The following BIRC6 variants were observed in gnomAD, a reference collection of about 807,000 sequenced individuals.
BIRC6 encodes the protein dual E2 ubiquitin-conjugating enzyme/E3 ubiquitin-protein ligase BIRC6.
In BIRC6, 98 loss-of-function variants were observed where a neutral mutation model predicts 503.3. That is an observed-to-expected ratio of 0.19 (90% CI 0.17 to 0.23). BIRC6 has a LOEUF of 0.23. BIRC6 is among the 10% of genes least tolerant of loss of function. The pLI is 1.00. For missense variants in BIRC6, 5,360 were observed against 5,806.0 expected (o/e 0.92, Z 2.50); for synonymous variants, 2,240 against 2,078.7 (o/e 1.08, Z -2.11).
intron 66 of BIRC6, among the ~76,000 whole-genome samples, chr2:32,590,068 T>G (rs966240781): frequency 2.6e-5 from 4 of 152,180 alleles, no homozygotes; most frequent in Non-Finnish European, 1.5e-5. Context: ...CAGAAAACAT[T>G]TATAGTACGG....
intron 56 of BIRC6, 110 bp downstream of exon 56, chr2:32,518,507 C>G (rs997883937): frequency 1.8e-6 from 2 of 1,120,450 alleles, no homozygotes; most frequent in African/African-American, 1.6e-5. Flanking sequence ...CAAAGTGAAA[C>G]TAGCACAGCC....
At chr2:32,475,468 A>G (rs767349088) in intron 33 of BIRC6, among the ~76,000 whole-genome samples, 2 of 152,176 alleles carry the variant, frequency 1.3e-5, no homozygotes, top group African/African-American at 2.4e-5. Flanking sequence ...GGATATACTT[A>G]TAAAAGGATA....
chr2:32,415,715 G>C lies in BIRC6; in HGVS notation c.2424G>C (p.Gln808His). Reference protein sequence around the residue: ...VIQHESPADVQTPLIIQPEQR... With the variant: ...VIQHESPADVHTPLIIQPEQR... ...AACATGAATCACCAGCAGATGTACA[G>C]ACTCCTTTAATAATTCAGCCTGAGC... Residue 808 changes from glutamine to histidine, a missense_variant, in exon 10 of 74, where the codon CAG becomes CAC. Around this residue, in one of 16 missense-constraint regions of BIRC6, gnomAD observed 700 missense variants for 739.3 expected, o/e 0.95. Transcript: ENST00000421745. 2.5e-6 allele frequency: 4 copies of C among 1,613,842 alleles called. No homozygotes were observed. The highest frequency in any genetic ancestry group is 3.4e-6 in the Non-Finnish European group (4 of 1,179,868).
chr2:32,560,699 T>A (rs1162127175), intron 65 of BIRC6, among the ~76,000 whole-genome samples: 2 of 152,118 alleles, frequency 1.3e-5, no homozygotes, highest in African/African-American at 4.8e-5. Context: ...CCTGATTAGC[T>A]GGGACTACAG....
At chr2:32,409,150 GT>G (rs1038083567) in intron 9 of BIRC6, among the ~76,000 whole-genome samples, 1 of 150,600 alleles carries the variant, frequency 6.6e-6, no homozygotes, top group African/African-American at 2.4e-5. Flanking sequence ...TTTATTTTCT[GT>G]TTTTTTTTGT....
intron 10 of BIRC6, among the ~76,000 whole-genome samples, chr2:32,421,503 A>T (rs1226612633): frequency 6.6e-6 from 1 of 151,998 alleles, no homozygotes; most frequent in African/African-American, 2.4e-5. Context: ...TCTTAGTGAT[A>T]CCTCCTAAAT....
At chr2:32,483,537 G>A (rs1210645194) in intron 39 of BIRC6, among the ~76,000 whole-genome samples, 1 of 152,146 alleles carries the variant, frequency 6.6e-6, no homozygotes, top group African/African-American at 2.4e-5. Context: ...AATACTGAGA[G>A]CCCATTCAAA....
At chr2:32,610,254 C>T (rs1314619946) in intron 72 of BIRC6, among the ~76,000 whole-genome samples, 2 of 152,094 alleles carry the variant, frequency 1.3e-5, no homozygotes, top group African/African-American at 2.4e-5. Flanking sequence ...CAATGCTCAA[C>T]CAGAATACAG....
chr2:32,413,836 T>C (rs1287037950), intron 9 of BIRC6, among the ~76,000 whole-genome samples: 1 of 152,142 alleles, frequency 6.6e-6, no homozygotes, highest in Non-Finnish European at 1.5e-5. Context: ...CCTATGCACA[T>C]CTACATTTTC....
intron 51 of BIRC6, among the ~76,000 whole-genome samples, chr2:32,509,106 C>T (rs567343293): frequency 6.6e-6 from 1 of 151,826 alleles, no homozygotes; most frequent in African/African-American, 2.4e-5. Context: ...TTTCAAGGTG[C>T]TAAGACTACA....
rs3769599 is a variant in BIRC6 at position 32,415,352 on chromosome 2, C to T, written c.2061C>T (p.Tyr687=). The T allele has an allele frequency of 4.6e-3, 7,413 of 1,613,988 alleles. 437 individuals carry two copies. In the East Asian group the frequency reaches 0.13, roughly 28 times the overall value. Residue 687 remains tyrosine (Y), a synonymous_variant, in exon 10 of 74, where the codon TAC becomes TAT. Transcript: ENST00000421745. The part of the protein sequence containing the change: ...QLLLQDPPVT[Y]IQQFADAAAN... ...TATTGCAGGATCCTCCTGTGACTTACATTCAGCAATTTGCAGATGCAGCAG... is the reference window on the plus strand; with the variant it reads ...TATTGCAGGATCCTCCTGTGACTTATATTCAGCAATTTGCAGATGCAGCAG...
rs1378178285 is a variant in BIRC6 at position 32,463,214 on chromosome 2, C to G, written c.4774C>G (p.Pro1592Ala). The G allele has an allele frequency of 9.3e-6, 15 of 1,612,328 alleles. No individual in the cohort carries two copies. The highest frequency in any genetic ancestry group is 1.3e-5 in the Non-Finnish European group (15 of 1,179,274). Residue 1592 changes from proline to alanine, a missense_variant, in exon 24 of 74, where the codon CCT (proline) becomes GCT (alanine). Physicochemically the swap from Pro to Ala is conservative, Grantham distance 27. Coordinates refer to ENST00000421745, the MANE Select transcript of BIRC6 (RefSeq NM_016252.4). ...GCCAGTGAGTTCCTTCGGGGTTACT[C>G]CTGCAGTAGGTGGACTATCATCTGG... ...DDAMSSFGVTPAVGGLSSGTV... is the reference protein window; with the variant it reads ...DDAMSSFGVTAAVGGLSSGTV...
At chr2:32,448,650 CGTGGAGAGGGGAGA>C (rs1447020972) in intron 21 of BIRC6, 131 bp from the exon 22 acceptor site, 1 of 609,638 alleles carries the variant, frequency 1.6e-6, no homozygotes, top group Non-Finnish European at 2.7e-6. Context: ...GGAAGGGGAC[CGTGGAGAGGGGAGA>C]GGGGAGAGGG....
chr2:32,567,985 A>G (rs1553511489), intron 65 of BIRC6, among the ~76,000 whole-genome samples: 2 of 152,018 alleles, frequency 1.3e-5, no homozygotes, highest in Non-Finnish European at 2.9e-5. Context: ...GGTGGCGGGC[A>G]CCTGTACTCC....
intron 4 of BIRC6, among the ~76,000 whole-genome samples, chr2:32,391,681 A>G (rs908689621): frequency 6.6e-5 from 10 of 152,220 alleles, no homozygotes; most frequent in African/African-American, 2.4e-4. Flanking sequence ...TTTCTTACTA[A>G]AAATCTTTTG....
rs142988050 is a variant in BIRC6 at position 32,556,494 on chromosome 2, A to G, written c.13144+7013A>G. ...AAAAGCTTAATCAGATTTCCACATAACTACCTACCAGATTAGCCATAACTC... is the reference window on the plus strand; with the variant it reads ...AAAAGCTTAATCAGATTTCCACATAGCTACCTACCAGATTAGCCATAACTC... On this transcript the variant is annotated intron_variant, in intron 65 of 73. Transcript: ENST00000421745. Among the ~76,000 whole-genome samples the G allele has an allele frequency of 5.4e-3, 827 of 152,316 alleles. 11 individuals are homozygous for G. The highest frequency in any genetic ancestry group is 0.019 in the African/African-American group (779 of 41,558).
At chr2:32,597,706 A>G in intron 68 of BIRC6, 45 bp from the exon 69 acceptor site, 1 of 1,418,780 alleles carries the variant, frequency 7.0e-7, no homozygotes, top group East Asian at 2.3e-5. Flanking sequence ...TGTCATTATA[A>G]CAATTTTTTG....
chr2:32,509,657 C>G (rs1214597485), intron 51 of BIRC6, 81 bp from the exon 52 acceptor site: 1 of 1,491,342 alleles, frequency 6.7e-7, no homozygotes, highest in Non-Finnish European at 9.2e-7. Flanking sequence ...ACACAACATG[C>G]TGATCTTTAA....
chr2:32,508,245 G>C lies in BIRC6; in HGVS notation c.9966G>C (p.Gln3322His). 1 of 1,451,986 alleles carries C rather than the reference G, an allele frequency of 6.9e-7. No homozygotes were observed. Among genetic ancestry groups the C allele is most frequent in the Non-Finnish European group, 9.4e-7 (1 of 1,065,190 alleles). 89.9% of individuals were successfully genotyped at this position (1,451,986 alleles called of 1,614,324 possible). A position where few individuals can be genotyped will look rare whatever the true frequency, so the allele number is the denominator to read the frequency against. Residue 3322 changes from glutamine to histidine, a missense_variant, in exon 51 of 74, where the codon CAG becomes CAC. By Grantham distance (24) the Gln-to-His change is conservative. Coordinates refer to ENST00000421745, the MANE Select transcript of BIRC6 (RefSeq NM_016252.4). ...ATCCATTCCTTCCATCTGAAGATCA[G>C]GTATCCAAAACAAGGTATGTTTTGT... ...VNNPFLPSED[Q>H]VSKTSIGWLR...
Sources: gnomAD v4.1 joint callset for allele counts (sites outside exome capture counted in the v4.1 genomes callset) on GRCh38, gnomAD v4.1.1 for gene constraint, gnomAD v4.1.1 regional missense constraint, MANE v1.5 for transcripts, NCBI Gene and HGNC (gene_info 2026-07-23, HGNC 2026-07-21) for gene names.